Variants in MTM1 observed in about 807,000 individuals in gnomAD.
MTM1 encodes myotubularin.
In MTM1, 9 loss-of-function variants were observed where a neutral mutation model predicts 52.1. The observed-to-expected ratio is 0.17, with a 90% CI of 0.10 to 0.30. The LOEUF is 0.30. MTM1 is among the 10% of genes least tolerant of loss of function. The probability of loss-of-function intolerance (pLI) is 1.00; values close to 1 mark genes in which losing one functional copy is unlikely to be tolerated. For synonymous variants in MTM1, 136 were observed against 163.8 expected, an observed-to-expected ratio of 0.83 and a Z score of 1.29; for missense variants, 277 against 470.7, an observed-to-expected ratio of 0.59 and a Z score of 3.81.
At chrX:150,616,709 C>A (rs994668281) in intron 5 of MTM1, among the ~76,000 whole-genome samples, 6 of 111,650 alleles carry the variant, frequency 5.4e-5, no homozygotes, top group Non-Finnish European at 1.1e-4. Context: ...AAAACCATAC[C>A]ACCACAAAGC....
Position 150,616,722 on chromosome X carries a change from T to C in MTM1, c.342+2023T>C, listed in dbSNP as rs58677281. ...GTAAAACCATACCACCACAAAGCCT[T>C]CTCTTTCCTTCCCCACCTCACTCCC... On this transcript the variant is annotated intron_variant, in intron 5 of 14. Coordinates refer to ENST00000370396, the MANE Select transcript of MTM1 (RefSeq NM_000252.3). Among the ~76,000 whole-genome samples the C allele has an allele frequency of 5.4e-3, 607 of 111,742 alleles. 4 individuals carry two copies. Among genetic ancestry groups the C allele is most frequent in the African/African-American group, 0.019 (582 of 30,765 alleles).
Position 150,672,183 on chromosome X carries a change from G to A in MTM1, c.*588G>A, listed in dbSNP as rs979552209. ...GTTTTTCATTATTTGGAAATTTAGG[G>A]GTAGAAAATGTTTTCCCCTAATTTT... On this transcript the variant is annotated 3_prime_UTR_variant, in exon 15 of 15. Coordinates refer to ENST00000370396, the MANE Select transcript of MTM1 (RefSeq NM_000252.3). 1 of 111,605 alleles carries A rather than the reference G, an allele frequency of 9.0e-6. No homozygotes were observed. The highest frequency in any genetic ancestry group is 1.9e-5 in the Non-Finnish European group (1 of 53,026). The allele number at this position is 111,605 out of a possible 1,213,427, so 9.2% of individuals were successfully genotyped here.
chrX:150,645,268 C>T (rs1430475465), intron 8 of MTM1, among the ~76,000 whole-genome samples: 1 of 111,884 alleles, frequency 8.9e-6, no homozygotes, highest in Non-Finnish European at 1.9e-5. Context: ...GATCTGTAGA[C>T]AGAGTTGGTA....
At chrX:150,567,411 T>C (rs1557411266), upstream of MTM1, among the ~76,000 whole-genome samples, 2 of 111,882 alleles carry the variant, frequency 1.8e-5, no homozygotes, top group Non-Finnish European at 3.8e-5. Context: ...AAATGCTGTT[T>C]TTAGATGCTG....
In MTM1 at chrX:150,649,747, C is replaced by T. The variant is rs1557414121; in HGVS notation, c.899C>T (p.Ala300Val). 2.5e-6 allele frequency: 3 copies of T among 1,209,041 alleles called. No individual in the cohort carries two copies. Among genetic ancestry groups the T allele is most frequent in the Non-Finnish European group, 1.1e-6 (1 of 893,523 alleles). Residue 300 changes from alanine (A) to valine (V), a missense_variant, in exon 10 of 15, where the codon GCA becomes GTA. Coordinates refer to ENST00000370396, the MANE Select transcript of MTM1 (RefSeq NM_000252.3). ...ATGGGYESDD[A>V]YHNAELFFLD... is the part of the protein sequence containing the mutation. ...GGAGGAGGATATGAAAGTGATGATG[C>T]ATATCATAACGCCGAACTTTTCTTC...
intron 6 of MTM1, among the ~76,000 whole-genome samples, chrX:150,630,668 A>G (rs1468708056): frequency 9.0e-6 from 1 of 111,018 alleles, no homozygotes; most frequent in African/African-American, 3.3e-5. Flanking sequence ...TGAGTGACTA[A>G]TATTTTTCCT....
intron 6 of MTM1, among the ~76,000 whole-genome samples, chrX:150,633,364 AG>A (rs2039701000): frequency 8.9e-6 from 1 of 112,166 alleles, no homozygotes; most frequent in South Asian, 3.7e-4. Context: ...ATCTTTTGTC[AG>A]GTTTTTGGAA....
chrX:150,579,017 C>CTCTATCTATCTATCTATCTATCTA (rs59889586), intron 1 of MTM1, among the ~76,000 whole-genome samples: 1 of 98,165 alleles, frequency 1.0e-5, no homozygotes, highest in African/African-American at 3.7e-5. Flanking sequence ...ATCTATATAT[C>CTCTATCTATCTATCTATCTATCTA]TCTATCTATC....
chrX:150,593,554 A>G, intron 2 of MTM1, among the ~76,000 whole-genome samples: 1 of 112,099 alleles, frequency 8.9e-6, no homozygotes, highest in Non-Finnish European at 1.9e-5. Context: ...TATCCACCAG[A>G]AAGGCTAATT....
intron 6 of MTM1, among the ~76,000 whole-genome samples, chrX:150,624,770 C>T (rs1257149585): frequency 1.8e-5 from 2 of 112,167 alleles, no homozygotes; most frequent in Non-Finnish European, 3.8e-5. Flanking sequence ...AAGTGCATTG[C>T]TTACCGTTAA....
At chrX:150,566,130 C>T (rs1408925873), upstream of MTM1, among the ~76,000 whole-genome samples, 1 of 110,795 alleles carries the variant, frequency 9.0e-6, no homozygotes, top group Non-Finnish European at 1.9e-5. Context: ...CCATAGTGTA[C>T]AACCTTGTTT....
intron 5 of MTM1, among the ~76,000 whole-genome samples, chrX:150,618,251 A>G (rs1256305379): frequency 8.9e-6 from 1 of 112,370 alleles, no homozygotes; most frequent in Non-Finnish European, 1.9e-5. Context: ...TCAGTCATTT[A>G]GGAAGAGAGC....
At position 150,583,025 on chromosome X, in the gene MTM1, T is replaced by C. The variant is rs782662701; in HGVS notation, c.-10-9580T>C. Reference sequence around the variant, plus strand: ...ATTTAAATATATAAATATAAATACATATTTATATATTTAAATATAATTTAT... The same window carrying C: ...ATTTAAATATATAAATATAAATACACATTTATATATTTAAATATAATTTAT... On this transcript the variant is annotated intron_variant, in intron 1 of 14. Transcript: ENST00000370396. Among the ~76,000 whole-genome samples, 6 of 92,622 alleles carry C rather than the reference T, an allele frequency of 6.5e-5. No individual in the cohort carries two copies. In the South Asian group the frequency reaches 2.3e-3, roughly 35 times the overall value. The allele number at this position is 92,622 out of a possible 115,157, so 80.4% of individuals were successfully genotyped here.
chrX:150,582,601 A>G (rs781811781), intron 1 of MTM1, among the ~76,000 whole-genome samples: 35 of 111,378 alleles, frequency 3.1e-4, no homozygotes, highest in Non-Finnish European at 5.5e-4. Flanking sequence ...TCCTTATGAA[A>G]GAGGAAAGCA....
chrX:150,653,989 T>C (rs2040070696), intron 10 of MTM1, among the ~76,000 whole-genome samples: 1 of 111,517 alleles, frequency 9.0e-6, no homozygotes, highest in Non-Finnish European at 1.9e-5. Flanking sequence ...GGTTACTCAA[T>C]TGGCCCAAAG....
chrX:150,614,851 A>G, intron 5 of MTM1, 152 bp downstream of exon 5: 1 of 438,935 alleles, frequency 2.3e-6, no homozygotes, highest in Non-Finnish European at 4.0e-6. Context: ...CAAGCTTTTC[A>G]AAAGTGCCTG....
chrX:150,565,118 C>T (rs782170038), upstream of MTM1, among the ~76,000 whole-genome samples: 1 of 112,340 alleles, frequency 8.9e-6, no homozygotes, highest in African/African-American at 3.2e-5. Flanking sequence ...GGGGCTTACC[C>T]CCTATCCTCT....
At chrX:150,586,564 A>G (rs2038789907) in intron 1 of MTM1, among the ~76,000 whole-genome samples, 1 of 111,017 alleles carries the variant, frequency 9.0e-6, no homozygotes, top group Non-Finnish European at 1.9e-5. Flanking sequence ...AGGATATGGT[A>G]TATTTTGTGG....
At position 150,581,444 on chromosome X, in the gene MTM1, G is replaced by T. The variant is rs782353103; in HGVS notation, c.-10-11161G>T. ...TAATAAAAACTTTCTCCTTTTAAAAGATAGTTTTAATAAAGACTAAGTGGA... is the reference window on the plus strand; with the variant it reads ...TAATAAAAACTTTCTCCTTTTAAAATATAGTTTTAATAAAGACTAAGTGGA... On this transcript the variant is annotated intron_variant, in intron 1 of 14. Transcript: ENST00000370396. Among the ~76,000 whole-genome samples, 5 of 111,509 alleles carry T rather than the reference G, an allele frequency of 4.5e-5. No individual in the cohort carries two copies. The Admixed American group carries it at 4.8e-4, about 11-fold the overall frequency.
Sources: gnomAD v4.1 joint callset for allele counts (sites outside exome capture counted in the v4.1 genomes callset) on GRCh38, gnomAD v4.1.1 for gene constraint, MANE v1.5 for transcripts, NCBI Gene and HGNC (gene_info 2026-07-23, HGNC 2026-07-21) for gene names.